Variants in EEIG2 observed in about 807,000 individuals in gnomAD.
The protein encoded by EEIG2 is EEIG family member 2, also known as family with sequence similarity 102 member B.
At chr1:108,621,106 G>A in the EEIG2 span, among the ~76,000 whole-genome samples, 562 of 152,278 alleles carry the variant, frequency 3.7e-3, 5 homozygotes, top group African/African-American at 0.012. Flanking sequence ...TGTCAAATAG[G>A]TAATGTTGTC....
At chr1:108,628,269 G>A in the EEIG2 span, 11 of 1,614,036 alleles carry the variant, frequency 6.8e-6, no homozygotes, top group South Asian at 3.3e-5. Context: ...TCAGGTAGAG[G>A]CTAACAGTGA....
chr1:108,564,296 G>T, the EEIG2 span, among the ~76,000 whole-genome samples: 1 of 152,084 alleles, frequency 6.6e-6, no homozygotes, highest in African/African-American at 2.4e-5. Context: ...AAATTAGGAG[G>T]CTATTAAAAT....
the EEIG2 span, chr1:108,635,730 C>T: frequency 6.6e-6 from 1 of 152,280 alleles, no homozygotes; most frequent in Non-Finnish European, 1.5e-5. Flanking sequence ...TCATAATTCT[C>T]AGTGTATCAG....
chr1:108,579,772 T>TGTGTGTGTGTGAGA, the EEIG2 span, among the ~76,000 whole-genome samples: 8 of 58,822 alleles, frequency 1.4e-4, no homozygotes, highest in African/African-American at 5.2e-4. Context: ...TGTGTGTGTG[T>TGTGTGTGTGTGAGA]GAGAGAGAGA....
the EEIG2 span, among the ~76,000 whole-genome samples, chr1:108,592,001 G>A: frequency 6.6e-6 from 1 of 152,170 alleles, no homozygotes; most frequent in Non-Finnish European, 1.5e-5. Context: ...CCATTAAGGA[G>A]GTTGAACCTA....
the EEIG2 span, among the ~76,000 whole-genome samples, chr1:108,614,645 C>G: frequency 2.0e-5 from 3 of 152,150 alleles, no homozygotes; most frequent in African/African-American, 7.2e-5. Flanking sequence ...TGTCAGAAGT[C>G]AGTCCTTCCT....
chr1:108,632,131 A>G, the EEIG2 span, among the ~76,000 whole-genome samples: 1 of 95,132 alleles, frequency 1.1e-5, no homozygotes, highest in African/African-American at 4.2e-5. Flanking sequence ...AAAAAAAAAA[A>G]AAAAAGAAGA....
chr1:108,635,466 G>A, the EEIG2 span: 36 of 228,190 alleles, frequency 1.6e-4, no homozygotes, highest in Middle Eastern at 1.5e-3. Flanking sequence ...TATATACATC[G>A]GAGTATCATT....
chr1:108,623,121 T>C, the EEIG2 span, among the ~76,000 whole-genome samples: 1 of 151,986 alleles, frequency 6.6e-6, no homozygotes, highest in Non-Finnish European at 1.5e-5. Flanking sequence ...AAAATCCCTA[T>C]GTTAAAAAGG....
At chr1:108,560,968 T>C in the EEIG2 span, among the ~76,000 whole-genome samples, 2 of 152,224 alleles carry the variant, frequency 1.3e-5, no homozygotes, top group Non-Finnish European at 2.9e-5. Flanking sequence ...GCACAATTCC[T>C]TCTCCCTTGT....
the EEIG2 span, chr1:108,624,552 G>T: frequency 1.0e-6 from 1 of 992,010 alleles, no homozygotes; most frequent in East Asian, 2.4e-5. Context: ...TTACCAAGCA[G>T]TCTATGCTAA....
the EEIG2 span, among the ~76,000 whole-genome samples, chr1:108,586,314 GGTGTGTGTGTGT>G: frequency 0.73 from 108,305 of 148,010 alleles, 40,960 homozygotes; most frequent in Non-Finnish European, 0.84. Context: ...TACGCAGAGG[GGTGTGTGTGTGT>G]GTGTGTGTGT....
the EEIG2 span, among the ~76,000 whole-genome samples, chr1:108,581,242 T>A: frequency 6.6e-6 from 1 of 152,160 alleles, no homozygotes; most frequent in African/African-American, 2.4e-5. Flanking sequence ...TTTCAAAATA[T>A]TACTGCTTAT....
chr1:108,629,714 A>T, the EEIG2 span: 1 of 1,335,558 alleles, frequency 7.5e-7, no homozygotes, highest in Non-Finnish European at 1.1e-6. Context: ...TAAAAAAATC[A>T]TGAGTAGAGG....
chr1:108,599,927 C>T, the EEIG2 span, among the ~76,000 whole-genome samples: 1 of 152,036 alleles, frequency 6.6e-6, no homozygotes, highest in Non-Finnish European at 1.5e-5. Context: ...ATCCAGGAGG[C>T]GGAGGTTGCA....
At chr1:108,602,368 G>A in the EEIG2 span, among the ~76,000 whole-genome samples, 3 of 152,080 alleles carry the variant, frequency 2.0e-5, no homozygotes, top group Non-Finnish European at 4.4e-5. Context: ...GAAGTGCTGG[G>A]GGAGAAACTC....
chr1:108,606,362 CTT>C, the EEIG2 span: 1 of 621,988 alleles, frequency 1.6e-6, no homozygotes, highest in South Asian at 4.3e-5. Flanking sequence ...AAGCTTGGCT[CTT>C]TTTGTATGCA....
chr1:108,589,179 T>C, the EEIG2 span, among the ~76,000 whole-genome samples: 1 of 152,150 alleles, frequency 6.6e-6, no homozygotes, highest in South Asian at 2.1e-4. Flanking sequence ...TCGTCTGGCA[T>C]TCTCAGGGAT....
At chr1:108,576,379 C>T in the EEIG2 span, among the ~76,000 whole-genome samples, 2 of 149,656 alleles carry the variant, frequency 1.3e-5, no homozygotes, top group South Asian at 2.2e-4. Flanking sequence ...ATGTGCCATG[C>T]TGGTGCGCTG....
Sources: allele counts gnomAD v4.1 joint callset (sites outside exome capture counted in the v4.1 genomes callset), GRCh38; gene constraint gnomAD v4.1.1; transcripts MANE v1.5; gene names NCBI Gene and HGNC (gene_info 2026-07-23, HGNC 2026-07-21).